SYT14: variants seen among roughly 807,000 people sequenced by gnomAD.
SYT14 encodes the protein synaptotagmin 14.
In SYT14, 32 loss-of-function variants were observed where a neutral mutation model predicts 74.2. The ratio of observed to expected loss-of-function variants is 0.43; its 90% CI spans 0.33 to 0.58. The LOEUF is 0.58. Among genes scored for constraint, SYT14 ranks in the 20% least tolerant of loss-of-function variants. The pLI, the probability that SYT14 is intolerant of heterozygous loss-of-function variation, is 0.05. For missense variants in SYT14, 791 were observed against 981.8 expected, an observed-to-expected ratio of 0.81 and a Z score of 2.60; for synonymous variants, 298 against 337.7, an observed-to-expected ratio of 0.88 and a Z score of 1.29.
intron 2 of SYT14, among the ~76,000 whole-genome samples, chr1:209,990,539 G>GTATA (rs1394160342): frequency 3.2e-4 from 8 of 24,726 alleles, no homozygotes; most frequent in African/African-American, 1.9e-3. Context: ...ATATATATAC[G>GTATA]TATATATATG....
At chr1:210,059,451 T>TATAG (rs377050610) in intron 5 of SYT14, among the ~76,000 whole-genome samples, 1,106 of 69,870 alleles carry the variant, frequency 0.016, 13 homozygotes, top group Admixed American at 0.035. Flanking sequence ...TATATATATA[T>TATAG]AGAGAGAGAG....
At chr1:209,956,742 C>A (rs890375360) in intron 2 of SYT14, among the ~76,000 whole-genome samples, 5 of 152,040 alleles carry the variant, frequency 3.3e-5, no homozygotes, top group African/African-American at 1.2e-4. Flanking sequence ...TAATGGTGAC[C>A]ATCTGGATAA....
At chr1:210,141,526 A>G (rs1415293638) in intron 7 of SYT14, among the ~76,000 whole-genome samples, 1 of 152,168 alleles carries the variant, frequency 6.6e-6, no homozygotes, top group Non-Finnish European at 1.5e-5. Context: ...GAATGCCTTG[A>G]CAAAGACATT....
chr1:210,082,845 T>C (rs2081641162), intron 5 of SYT14, among the ~76,000 whole-genome samples: 1 of 152,240 alleles, frequency 6.6e-6, no homozygotes, highest in South Asian at 2.1e-4. Context: ...GGTCTTGCTT[T>C]ACAGCTCTAA....
chr1:210,020,331 G>A (rs1473772504), intron 4 of SYT14, among the ~76,000 whole-genome samples: 1 of 152,122 alleles, frequency 6.6e-6, no homozygotes, highest in Non-Finnish European at 1.5e-5. Context: ...ATACAGTGCA[G>A]TGAATTGTCT....
chr1:210,026,182 T>G (rs1454312590), intron 5 of SYT14, among the ~76,000 whole-genome samples: 1 of 152,178 alleles, frequency 6.6e-6, no homozygotes, highest in Non-Finnish European at 1.5e-5. Context: ...TAAATCCTTT[T>G]GTTCACAGTT....
intron 2 of SYT14, among the ~76,000 whole-genome samples, chr1:209,988,018 G>A (rs866821644): frequency 6.6e-6 from 1 of 151,962 alleles, no homozygotes; most frequent in Non-Finnish European, 1.5e-5. Context: ...GAACAATTTT[G>A]ACCATCACTT....
chr1:209,953,818 T>C (rs2078950482), intron 2 of SYT14, among the ~76,000 whole-genome samples: 1 of 152,226 alleles, frequency 6.6e-6, no homozygotes, highest in Non-Finnish European at 1.5e-5. Flanking sequence ...CATATACCTT[T>C]CCTCTAGTAC....
intron 7 of SYT14, among the ~76,000 whole-genome samples, chr1:210,152,176 G>T (rs1385201577): frequency 6.6e-6 from 1 of 152,028 alleles, no homozygotes; most frequent in Non-Finnish European, 1.5e-5. Flanking sequence ...TATGTGTTTT[G>T]TGTACCCATG....
chr1:210,168,094 T>G (rs1419492669), exon 10 of SYT14: 2 of 153,650 alleles, frequency 1.3e-5, no homozygotes, highest in African/African-American at 4.8e-5. Flanking sequence ...GTGGTGGTTG[T>G]GTACTTACCT....
chr1:209,940,961 G>T (rs774656231), intron 1 of SYT14, among the ~76,000 whole-genome samples: 6 of 152,060 alleles, frequency 3.9e-5, no homozygotes, highest in Non-Finnish European at 8.8e-5. Flanking sequence ...CTTCATGTTG[G>T]CACAGAGCGA....
At chr1:210,083,095 T>G (rs1175665235) in intron 5 of SYT14, among the ~76,000 whole-genome samples, 1 of 149,206 alleles carries the variant, frequency 6.7e-6, no homozygotes, top group African/African-American at 2.4e-5. Context: ...ATCCTCCCAC[T>G]TCACCCTCCC....
chr1:210,070,734 A>C (rs113475901), intron 5 of SYT14, among the ~76,000 whole-genome samples: 2,521 of 152,166 alleles, frequency 0.017, 31 homozygotes, highest in Non-Finnish European at 0.025. Flanking sequence ...ATGTGGGCAC[A>C]GAAGAGGCAC....
intron 5 of SYT14, among the ~76,000 whole-genome samples, chr1:210,027,534 G>A (rs191478692): frequency 1.3e-5 from 2 of 152,250 alleles, no homozygotes; most frequent in Admixed American, 1.3e-4. Context: ...AGGAAGAGGA[G>A]GGGTTGGTCT....
At chr1:210,105,098 A>T (rs554473785) in intron 7 of SYT14, among the ~76,000 whole-genome samples, 3 of 152,292 alleles carry the variant, frequency 2.0e-5, no homozygotes, top group African/African-American at 7.2e-5. Context: ...ATAGAAGTGC[A>T]GATTCTCATT....
intron 2 of SYT14, among the ~76,000 whole-genome samples, chr1:209,977,677 A>G (rs1269725321): frequency 6.6e-6 from 1 of 152,176 alleles, no homozygotes; most frequent in Admixed American, 6.5e-5. Context: ...TCTGACAATT[A>G]TGAGTCTTGG....
chr1:210,137,466 A>G (rs573708893), intron 7 of SYT14, among the ~76,000 whole-genome samples: 1 of 152,302 alleles, frequency 6.6e-6, no homozygotes, highest in African/African-American at 2.4e-5. Context: ...ACTTCTTAGT[A>G]AAAAGACCAT....
chr1:209,948,158 G>A (rs752027587), intron 1 of SYT14, among the ~76,000 whole-genome samples: 1 of 152,152 alleles, frequency 6.6e-6, no homozygotes, highest in Non-Finnish European at 1.5e-5. Flanking sequence ...CAAACCTGTC[G>A]ATATCTCTGA....
chr1:210,003,067 A>G (rs2079930093), intron 2 of SYT14, among the ~76,000 whole-genome samples: 1 of 152,172 alleles, frequency 6.6e-6, no homozygotes, highest in Non-Finnish European at 1.5e-5. Flanking sequence ...TTGATTGGCT[A>G]AAGCATTTCA....
Sources: gnomAD v4.1 joint callset for allele counts (sites outside exome capture counted in the v4.1 genomes callset) on GRCh38, gnomAD v4.1.1 for gene constraint, MANE v1.5 for transcripts, NCBI Gene and HGNC (gene_info 2026-07-23, HGNC 2026-07-21) for gene names.